RGS9: variants seen among roughly 807,000 people sequenced by gnomAD.
RGS9 encodes regulator of G-protein signalling 9.
A neutral mutation model predicts 102.0 loss-of-function variants in RGS9; 78 were observed. That is an observed-to-expected ratio of 0.76 (90% CI 0.64 to 0.92). RGS9 has a LOEUF of 0.92. Among genes scored for constraint, RGS9 ranks in the 40% least tolerant of loss-of-function variants. The pLI is 0.00. For synonymous variants in RGS9, 353 were observed against 318.6 expected, an observed-to-expected ratio of 1.11 and a Z score of -1.15; for missense variants, 833 against 866.1, an observed-to-expected ratio of 0.96 and a Z score of 0.48.
rs770164750 is a variant in RGS9, at chr17:65,140,576, TAAG to T, written c.57+2984_57+2986del. On this transcript the variant is annotated intron_variant, in intron 1 of 18. Transcript: ENST00000262406. Reference sequence around the variant, plus strand: ...CAAGTGATATGGCAGATTTGCAAATTAAGAAGATCACTGGTGGGCCAGTTGCAG... The same window carrying T: ...CAAGTGATATGGCAGATTTGCAAATTAAGATCACTGGTGGGCCAGTTGCAG... Among the ~76,000 whole-genome samples, 8 of 152,204 alleles carry T rather than the reference TAAG, an allele frequency of 5.3e-5. No homozygotes were observed. In the South Asian group the frequency reaches 6.2e-4, roughly 12 times the overall value.
chr17:65,216,170 G>C (rs1234793958), intron 17 of RGS9, among the ~76,000 whole-genome samples: 2 of 152,198 alleles, frequency 1.3e-5, no homozygotes, highest in African/African-American at 2.4e-5. Context: ...AATACTATAT[G>C]ATGGAATGTC....
chr17:65,187,762 C>G (rs1598599226), intron 9 of RGS9, among the ~76,000 whole-genome samples: 1 of 152,190 alleles, frequency 6.6e-6, no homozygotes, highest in Non-Finnish European at 1.5e-5. Context: ...CTTTCGGAGG[C>G]CAAGGCGGGC....
In RGS9 at chr17:65,160,724, G is replaced by T. The variant is rs1910950080; in HGVS notation, c.365-127G>T. 2.9e-6 allele frequency: 4 copies of T among 1,382,962 alleles called. No homozygotes were observed. The Admixed American group carries it at 5.3e-5, about 18-fold the overall frequency. 85.7% of individuals were successfully genotyped at this position (1,382,962 alleles called of 1,614,324 possible). A position where few individuals can be genotyped will look rare whatever the true frequency, so the allele number is the denominator to read the frequency against. ...CACATCTGTACTGGGCATGTCCCCAGGGGCAAGGGGCTGGGTGTGCTGAGC... is the reference window on the plus strand; with the variant it reads ...CACATCTGTACTGGGCATGTCCCCATGGGCAAGGGGCTGGGTGTGCTGAGC... On this transcript the variant is annotated intron_variant, in intron 5 of 18. Transcript: ENST00000262406.
intron 9 of RGS9, among the ~76,000 whole-genome samples, chr17:65,188,062 C>T (rs1004808256): frequency 6.6e-6 from 1 of 152,142 alleles, no homozygotes; most frequent in African/African-American, 2.4e-5. Flanking sequence ...AGAGTCAGTA[C>T]CAGCCAGCCC....
At chr17:65,188,761 C>T (rs549363329) in intron 9 of RGS9, 11 of 174,776 alleles carry the variant, frequency 6.3e-5, no homozygotes, top group South Asian at 1.3e-4. Context: ...TACAGGTGCA[C>T]GCTACCATGC....
intron 1 of RGS9, among the ~76,000 whole-genome samples, chr17:65,141,602 A>G (rs1910159911): frequency 6.6e-6 from 1 of 152,238 alleles, no homozygotes; most frequent in Non-Finnish European, 1.5e-5. Flanking sequence ...GGGAGCACCA[A>G]GGAGCTTAGA....
chr17:65,148,222 A>T lies in RGS9; in HGVS notation c.58-5200A>T, dbSNP rs1910444070. ...ACTTAGCATAATTAGCCCTAGGTTC[A>T]TCCATTTGCTTGCATATTGCAGAAT... On this transcript the variant is annotated intron_variant, in intron 1 of 18. Transcript: ENST00000262406. 3.3e-5 allele frequency among the ~76,000 whole-genome samples: 5 copies of T among 152,222 alleles called. No individual in the cohort carries two copies. In the South Asian group the frequency reaches 8.3e-4, roughly 25 times the overall value.
At chr17:65,169,620 C>T (rs555140284) in intron 8 of RGS9, among the ~76,000 whole-genome samples, 1 of 152,340 alleles carries the variant, frequency 6.6e-6, no homozygotes, top group Admixed American at 6.5e-5. Context: ...AGAGACTCCT[C>T]ACTGTGCGAA....
chr17:65,151,363 C>G (rs939948882), intron 1 of RGS9, among the ~76,000 whole-genome samples: 1 of 150,686 alleles, frequency 6.6e-6, no homozygotes, highest in Admixed American at 6.6e-5. Flanking sequence ...AAAAAAGAGT[C>G]CTTCAGCTGA....
In RGS9 at chr17:65,225,488, T is replaced by G; in HGVS notation, c.1892+2T>G. 1 of 1,601,090 alleles carries G rather than the reference T, an allele frequency of 6.2e-7. No homozygotes were observed. On this transcript the variant is annotated splice_donor_variant, in intron 18 of 18. Coordinates refer to ENST00000262406, the MANE Select transcript of RGS9 (RefSeq NM_003835.4). LOFTEE classifies it high-confidence loss of function. ...ATTGAAATCCAAGAGAGTAGCAAAG[T>G]AAGAACCCGAAGGGGACGTGCCGTA...
At chr17:65,223,920 T>G (rs937818674) in intron 17 of RGS9, among the ~76,000 whole-genome samples, 2 of 151,908 alleles carry the variant, frequency 1.3e-5, no homozygotes, top group Admixed American at 1.3e-4. Flanking sequence ...CCAGCTATTT[T>G]TTTTTTTTGT....
chr17:65,216,822 G>A (rs775333151), intron 17 of RGS9, among the ~76,000 whole-genome samples: 39 of 152,118 alleles, frequency 2.6e-4, no homozygotes, highest in Non-Finnish European at 5.1e-4. Flanking sequence ...CTGGGGGTGC[G>A]GGGACAGGCA....
rs747637679 is a variant in RGS9 at position 65,204,337 on chromosome 17, TA to T, written c.1203+37del. 18 of 1,611,638 alleles carry T rather than the reference TA, an allele frequency of 1.1e-5. No homozygotes were observed. The Admixed American group carries it at 2.8e-4, about 26-fold the overall frequency. On this transcript the variant is annotated intron_variant, in intron 15 of 18. Transcript: ENST00000262406. The stretch of plus-strand genomic sequence containing the variant: ...CCGTGCTGTGGATACGGGGTCCAGA[TA>T]GGCTTTCTGTCACTAAGTACCCGGA...
chr17:65,214,382 C>G (rs1051939434), intron 17 of RGS9, among the ~76,000 whole-genome samples: 1 of 152,198 alleles, frequency 6.6e-6, no homozygotes, highest in African/African-American at 2.4e-5. Flanking sequence ...TGGATGCAAA[C>G]AGCTGTAGCC....
At chr17:65,157,362 T>C (rs1295650628) in intron 2 of RGS9, among the ~76,000 whole-genome samples, 4 of 151,698 alleles carry the variant, frequency 2.6e-5, no homozygotes, top group Non-Finnish European at 5.9e-5. Flanking sequence ...CTTCTGCTTG[T>C]GAGGTGAGAG....
chr17:65,167,355 C>A (rs1911227928), intron 7 of RGS9, among the ~76,000 whole-genome samples: 1 of 151,964 alleles, frequency 6.6e-6, no homozygotes, highest in African/African-American at 2.4e-5. Flanking sequence ...GTGCTTGCCA[C>A]CATGCCCGGA....
intron 4 of RGS9, 95 bp from the exon 5 acceptor site, chr17:65,160,441 G>C: frequency 6.4e-7 from 1 of 1,569,912 alleles, no homozygotes; most frequent in Non-Finnish European, 8.8e-7. Context: ...AATGGTGGAG[G>C]GGGCCAAGGT....
In RGS9 at chr17:65,173,646, A is replaced by T. The variant is rs1301835752; in HGVS notation, c.583-4086A>T. ...CTTCCTGCATGAGGCACCAGGGCAG[A>T]AAGTGCCTGCTGCCTCCTTATCTGC... On this transcript the variant is annotated intron_variant, in intron 8 of 18. Transcript: ENST00000262406. The surrounding 1 kb of genome is among the most constrained non-coding windows in gnomAD (Gnocchi z 4.8). Among the ~76,000 whole-genome samples, 1 of 152,240 alleles carries T rather than the reference A, an allele frequency of 6.6e-6. No individual in the cohort carries two copies. Among genetic ancestry groups the T allele is most frequent in the Non-Finnish European group, 1.5e-5 (1 of 68,044 alleles).
intron 8 of RGS9, among the ~76,000 whole-genome samples, chr17:65,172,048 C>A (rs1275147887): frequency 6.6e-6 from 1 of 152,194 alleles, no homozygotes; most frequent in Non-Finnish European, 1.5e-5. Flanking sequence ...GTCTGCCCTC[C>A]ATTTCCCATC....
Sources: allele counts gnomAD v4.1 joint callset (sites outside exome capture counted in the v4.1 genomes callset), GRCh38; gene constraint gnomAD v4.1.1; non-coding constraint Gnocchi (gnomAD v3.1); transcripts MANE v1.5; gene names NCBI Gene and HGNC (gene_info 2026-07-23, HGNC 2026-07-21).